The following ANXA10 variants were observed in gnomAD, a reference collection of about 807,000 sequenced individuals.
ANXA10 encodes annexin 14.
Under a neutral mutation model 53.5 loss-of-function variants are expected in ANXA10, and 49 were observed. That is an observed-to-expected ratio of 0.92 (90% confidence interval 0.73 to 1.16). The LOEUF is 1.16. ANXA10 is among the 50% of genes most tolerant of loss of function. The pLI, the probability that ANXA10 is intolerant of heterozygous loss-of-function variation, is 0.00. For missense variants in ANXA10, 393 were observed against 394.4 expected, an observed-to-expected ratio of 1.00 and a Z score of 0.03; for synonymous variants, 131 against 128.9, an observed-to-expected ratio of 1.02 and a Z score of -0.11.
chr4:168,162,709 C>T, intron 4 of ANXA10, 68 bp downstream of exon 4: 2 of 1,132,396 alleles, frequency 1.8e-6, no homozygotes, highest in Non-Finnish European at 2.7e-6. Flanking sequence ...GGGGAAACTG[C>T]CCTGTGATGC....
intron 6 of ANXA10, among the ~76,000 whole-genome samples, chr4:168,176,819 G>A (rs958480718): frequency 6.6e-6 from 1 of 151,790 alleles, no homozygotes; most frequent in Non-Finnish European, 1.5e-5. Flanking sequence ...TTGTCAACAT[G>A]GCGAGATCCT....
chr4:168,115,629 G>C (rs763519541), intron 1 of ANXA10, among the ~76,000 whole-genome samples: 1 of 151,742 alleles, frequency 6.6e-6, no homozygotes, highest in South Asian at 2.1e-4. Context: ...AAATGGAAAC[G>C]TTTTTGTTCA....
chr4:168,108,946 G>C lies in ANXA10; in HGVS notation c.18+16228G>C, dbSNP rs532873004. On this transcript the variant is annotated intron_variant, in intron 1 of 11. Transcript: ENST00000359299. ...AAATCCCCTTTATAACCTCATCTAG[G>C]TTGGTAAGTGGCTATGAATAACAAC... Among the ~76,000 whole-genome samples, 12 of 152,196 alleles carry C rather than the reference G, an allele frequency of 7.9e-5. No homozygotes were observed. In the South Asian group the frequency reaches 1.7e-3, roughly 21 times the overall value.
intron 1 of ANXA10, 43 bp from the exon 2 acceptor site, chr4:168,128,041 A>G: frequency 6.5e-7 from 1 of 1,537,686 alleles, no homozygotes; most frequent in Non-Finnish European, 9.0e-7. Flanking sequence ...TGAAACATTA[A>G]CATGAATTAT....
intron 2 of ANXA10, among the ~76,000 whole-genome samples, chr4:168,130,393 T>C (rs1731138751): frequency 1.3e-5 from 2 of 152,132 alleles, no homozygotes; most frequent in South Asian, 4.1e-4. Context: ...GATTTTTGCA[T>C]CTATCTATGC....
At chr4:168,185,274 T>G (rs1310594964) in intron 11 of ANXA10, among the ~76,000 whole-genome samples, 1 of 152,240 alleles carries the variant, frequency 6.6e-6, no homozygotes, top group Non-Finnish European at 1.5e-5. Flanking sequence ...TCTCTATAAT[T>G]GTGCTTAAAG....
rs779125919 is a variant in ANXA10 at position 168,179,338 on chromosome 4, A to G, written c.724+26A>G. The G allele has an allele frequency of 1.5e-5, 23 of 1,488,632 alleles. No individual in the cohort carries two copies. In the Admixed American group the frequency reaches 3.8e-4, roughly 25 times the overall value. The allele number at this position is 1,488,632 out of a possible 1,614,324, so 92.2% of individuals were successfully genotyped here. A position where few individuals can be genotyped will look rare whatever the true frequency, so the allele number is the denominator to read the frequency against. On this transcript the variant is annotated intron_variant, in intron 9 of 11. Coordinates refer to ENST00000359299, the MANE Select transcript of ANXA10 (RefSeq NM_007193.5). ...GTAAGTAATAAATTATTTGAAGCAC[A>G]ACAGACATTTTATTTCTCTATAAAT...
At chr4:168,129,850 C>A (rs1030574537) in intron 2 of ANXA10, among the ~76,000 whole-genome samples, 3 of 152,150 alleles carry the variant, frequency 2.0e-5, no homozygotes, top group African/African-American at 7.2e-5. Context: ...CAATTTATCA[C>A]CACTTGAAGA....
intron 1 of ANXA10, among the ~76,000 whole-genome samples, chr4:168,098,756 G>A (rs555516131): frequency 3.3e-5 from 5 of 151,320 alleles, no homozygotes; most frequent in South Asian, 4.2e-4. Context: ...TTTTATTTAT[G>A]TCCTCTAGAC....
chr4:168,107,537 G>A (rs1313408052), intron 1 of ANXA10, among the ~76,000 whole-genome samples: 1 of 152,042 alleles, frequency 6.6e-6, no homozygotes, highest in Non-Finnish European at 1.5e-5. Context: ...AAACTCACTA[G>A]GACTAGTTTT....
intron 3 of ANXA10, among the ~76,000 whole-genome samples, chr4:168,140,894 A>C (rs1731315414): frequency 6.6e-6 from 1 of 152,238 alleles, no homozygotes; most frequent in Non-Finnish European, 1.5e-5. Context: ...TGTTGGGATT[A>C]CAGGCGTGAG....
At chr4:168,108,383 T>A (rs147564064) in intron 1 of ANXA10, among the ~76,000 whole-genome samples, 181 of 152,322 alleles carry the variant, frequency 1.2e-3, no homozygotes, top group African/African-American at 3.8e-3. Context: ...TTTGAAACAC[T>A]TCTGACATTT....
intron 3 of ANXA10, among the ~76,000 whole-genome samples, chr4:168,152,836 T>C (rs1156373392): frequency 3.3e-5 from 5 of 149,370 alleles, no homozygotes; most frequent in African/African-American, 9.8e-5. Context: ...ATATTATATA[T>C]ATAAACAATA....
chr4:168,095,842 A>T (rs1045982588), intron 1 of ANXA10, among the ~76,000 whole-genome samples: 1 of 152,150 alleles, frequency 6.6e-6, no homozygotes, highest in Non-Finnish European at 1.5e-5. Context: ...AGAGAAAAAA[A>T]TGCCTAGGTA....
rs775492891 is a variant in ANXA10 at position 168,187,452 on chromosome 4, G to A, written c.*18G>A. The A allele has an allele frequency of 1.9e-6, 3 of 1,548,972 alleles. No individual in the cohort carries two copies. The highest frequency in any genetic ancestry group is 2.6e-6 in the Non-Finnish European group (3 of 1,137,640). On this transcript the variant is annotated 3_prime_UTR_variant, in exon 12 of 12. Transcript: ENST00000359299. ...ACTACTAAAATGAAGAGGACTTGGA[G>A]TACTGTGCACTCCTCTTTCTAGACA...
chr4:168,179,872 G>A (rs1732207853), intron 9 of ANXA10, among the ~76,000 whole-genome samples: 2 of 152,144 alleles, frequency 1.3e-5, no homozygotes, highest in African/African-American at 4.8e-5. Flanking sequence ...AAAACGGGGC[G>A]AGTTATCCAG....
In ANXA10 at chr4:168,177,387, A is replaced by G. The variant is rs75469284; in HGVS notation, c.481-353A>G. ...CTTTCTCTGCATTTTTGCTCTAACA[A>G]TGTTAACACTCATTTCTAACACCCA... On this transcript the variant is annotated intron_variant, in intron 6 of 11. Coordinates refer to ENST00000359299, the MANE Select transcript of ANXA10 (RefSeq NM_007193.5). Among the ~76,000 whole-genome samples the G allele has an allele frequency of 2.1e-3, 316 of 152,296 alleles. 2 individuals are homozygous for G. Among genetic ancestry groups the G allele is most frequent in the Non-Finnish European group, 3.7e-3 (249 of 68,016 alleles).
intron 3 of ANXA10, among the ~76,000 whole-genome samples, chr4:168,160,839 G>A (rs1238849881): frequency 1.3e-5 from 2 of 152,094 alleles, no homozygotes; most frequent in African/African-American, 4.8e-5. Context: ...CCATGTGTTT[G>A]TTGGCTGCAC....
chr4:168,128,942 A>C (rs1451357358), intron 2 of ANXA10, among the ~76,000 whole-genome samples: 2 of 150,664 alleles, frequency 1.3e-5, no homozygotes, highest in African/African-American at 4.9e-5. Context: ...ATTCTTTTAC[A>C]AAAAAAAATA....
Sources: gnomAD v4.1 joint callset for allele counts (sites outside exome capture counted in the v4.1 genomes callset) on GRCh38, gnomAD v4.1.1 for gene constraint, MANE v1.5 for transcripts, NCBI Gene and HGNC (gene_info 2026-07-23, HGNC 2026-07-21) for gene names.